HHIP: variants seen among roughly 807,000 people sequenced by gnomAD.
The protein encoded by HHIP is hedgehog interacting protein.
A neutral mutation model predicts 74.0 loss-of-function variants in HHIP; 12 were observed. The observed-to-expected ratio is 0.16, with a 90% CI of 0.10 to 0.26. HHIP has a LOEUF of 0.26. Ranked by LOEUF, HHIP falls within the 10% of genes least tolerant of loss-of-function variation. The pLI, the probability that HHIP is intolerant of heterozygous loss-of-function variation, is 1.00. For missense variants in HHIP, 788 were observed against 845.0 expected (o/e 0.93, Z 0.84); for synonymous variants, 309 against 311.6 (o/e 0.99, Z 0.09).
At chr4:144,656,102 A>C (rs1728550548) in intron 2 of HHIP, among the ~76,000 whole-genome samples, 1 of 152,172 alleles carries the variant, frequency 6.6e-6, no homozygotes, top group Non-Finnish European at 1.5e-5. Context: ...CCTGGCAATA[A>C]ATGTTAAAAT....
chr4:144,729,680 T>C (rs1468238281), intron 11 of HHIP, among the ~76,000 whole-genome samples: 1 of 152,188 alleles, frequency 6.6e-6, no homozygotes, highest in Non-Finnish European at 1.5e-5. Flanking sequence ...GCAAGGGTGC[T>C]CTTTTCCATG....
chr4:144,654,683 C>T (rs938666519), intron 2 of HHIP, among the ~76,000 whole-genome samples: 5 of 152,162 alleles, frequency 3.3e-5, no homozygotes, highest in African/African-American at 1.2e-4. Context: ...TGCCCCTGCC[C>T]CCAGCACAGA....
chr4:144,672,368 T>A (rs559946977), intron 4 of HHIP, among the ~76,000 whole-genome samples: 1 of 152,174 alleles, frequency 6.6e-6, no homozygotes, highest in Non-Finnish European at 1.5e-5. Context: ...AATGACAAGA[T>A]AATGTCTTGA....
chr4:144,704,090 T>A (rs1730063616), intron 4 of HHIP, among the ~76,000 whole-genome samples: 1 of 152,184 alleles, frequency 6.6e-6, no homozygotes, highest in Admixed American at 6.5e-5. Context: ...CTTTCTAATT[T>A]CTGAATATTT....
At position 144,646,438 on chromosome 4, in the gene HHIP, T is replaced by G; in HGVS notation, c.-238T>G. On this transcript the variant is annotated 5_prime_UTR_variant, in exon 1 of 13. Transcript: ENST00000296575. ...ACTGGCACAACTGCAAACGGTGTCA[T>G]CCGCACAACTTTATCTCGCTCCTCG... is the stretch of plus-strand genomic sequence containing the variant. The G allele has an allele frequency of 2.2e-6, 1 of 457,040 alleles. No individual in the cohort carries two copies. Among genetic ancestry groups the G allele is most frequent in the Non-Finnish European group, 3.9e-6 (1 of 257,986 alleles). The allele number at this position is 457,040 out of a possible 1,614,324, so 28.3% of individuals were successfully genotyped here.
intron 4 of HHIP, among the ~76,000 whole-genome samples, chr4:144,682,456 G>C (rs1385597926): frequency 6.6e-6 from 1 of 152,182 alleles, no homozygotes; most frequent in Non-Finnish European, 1.5e-5. Context: ...CAAAGTAAAA[G>C]AGTATTTCAG....
intron 6 of HHIP, among the ~76,000 whole-genome samples, 197 bp from the exon 7 acceptor site, chr4:144,707,971 G>A (rs1730192655): frequency 2.6e-5 from 4 of 151,968 alleles, no homozygotes; most frequent in Admixed American, 2.6e-4. Context: ...TTGAACTCTT[G>A]GCATTAAACA....
Position 144,646,597 on chromosome 4 carries a change from C to G in HHIP, c.-79C>G. On this transcript the variant is annotated 5_prime_UTR_variant, in exon 1 of 13. Transcript: ENST00000296575. ...ACAGCCCCGCAAACTCCTCCTGGAG[C>G]TGCGCCCTAGTGCCCCTGCTGGGCA... is the stretch of plus-strand genomic sequence containing the variant. The G allele has an allele frequency of 6.9e-7, 1 of 1,458,872 alleles. No individual in the cohort carries two copies. Among genetic ancestry groups the G allele is most frequent in the Non-Finnish European group, 9.3e-7 (1 of 1,072,410 alleles). 90.4% of individuals were successfully genotyped at this position (1,458,872 alleles called of 1,614,324 possible).
rs570736447 is a variant in HHIP, at chr4:144,743,032, T to TTA, written c.*5089_*5090dup. The stretch of plus-strand genomic sequence containing the variant: ...ATATTATATATATATAATATATATC[T>TTA]TATATATATATATATCTTAATACAT... On this transcript the variant is annotated 3_prime_UTR_variant, in exon 13 of 13. Transcript: ENST00000296575. 1.9e-4 allele frequency: 24 copies of TTA among 125,696 alleles called. No individual in the cohort carries two copies. The highest frequency in any genetic ancestry group is 5.2e-4 in the African/African-American group (18 of 34,704). 7.8% of individuals were successfully genotyped at this position (125,696 alleles called of 1,614,324 possible).
chr4:144,708,178 G>A lies in HHIP; in HGVS notation c.1168G>A (p.Gly390Ser), dbSNP rs1438604204. 6.2e-7 allele frequency: 1 copy of A among 1,613,944 alleles called. No homozygotes were observed. Among genetic ancestry groups the A allele is most frequent in the Non-Finnish European group, 8.5e-7 (1 of 1,179,966 alleles). Residue 390 changes from glycine (G) to serine (S), a missense_variant, in exon 7 of 13, where the codon GGC (glycine) becomes AGC (serine). Transcript: ENST00000296575. The stretch of plus-strand genomic sequence containing the variant: ...CCCCCAATTTCTCAGTGATTTCACA[G>A]GCTCAGTGCTACGGCTGGATGTGGA... Reference protein sequence around the residue: ...EEMDGLSDFTGSVLRLDVDTD... With the variant: ...EEMDGLSDFTSSVLRLDVDTD...
intron 12 of HHIP, among the ~76,000 whole-genome samples, chr4:144,736,875 TC>T (rs112417899): frequency 0.02 from 3,045 of 152,242 alleles, 98 homozygotes; most frequent in African/African-American, 0.069. Context: ...ACTTTTTCTA[TC>T]CCATGTGTCA....
At chr4:144,712,307 AAAATTT>A (rs779153047) in intron 8 of HHIP, among the ~76,000 whole-genome samples, 2 of 152,162 alleles carry the variant, frequency 1.3e-5, no homozygotes, top group Non-Finnish European at 2.9e-5. Flanking sequence ...GTAGGTCCAA[AAAATTT>A]AACCGTCCTT....
intron 7 of HHIP, among the ~76,000 whole-genome samples, chr4:144,708,640 G>C (rs970245799): frequency 3.9e-5 from 6 of 151,946 alleles, no homozygotes; most frequent in African/African-American, 1.5e-4. Context: ...ACAGTTTAGA[G>C]AGATCAACTT....
chr4:144,723,615 G>A lies in HHIP; in HGVS notation c.1760+4659G>A, dbSNP rs1005348143. Among the ~76,000 whole-genome samples the A allele has an allele frequency of 3.3e-5, 5 of 152,164 alleles. No homozygotes were observed. In the South Asian group the frequency reaches 1.0e-3, roughly 31 times the overall value. On this transcript the variant is annotated intron_variant, in intron 11 of 12. Transcript: ENST00000296575. ...AGTTTTATGCAAGTGGCCCCCCTAA[G>A]TTGATAAATTCCCACAGTGCCTGTT...
chr4:144,658,615 C>G (rs1392856732), intron 2 of HHIP, among the ~76,000 whole-genome samples, 175 bp from the exon 3 acceptor site: 1 of 152,016 alleles, frequency 6.6e-6, no homozygotes, highest in East Asian at 1.9e-4. Context: ...GTGATCCACC[C>G]ACCTCAGCCT....
chr4:144,647,075 A>G (rs754959293), intron 1 of HHIP, 121 bp downstream of exon 1: 10 of 800,320 alleles, frequency 1.2e-5, no homozygotes, highest in East Asian at 1.0e-4. Context: ...AGTTCTTTCC[A>G]TAACTTTTCT....
chr4:144,742,255 C>T lies in HHIP; in HGVS notation c.*4298C>T, dbSNP rs1046606495. ...TCTTTGTTTTTCTGAAAAATAGCCT[C>T]TCTTGATTCCACATTTTCTCAAATT... On this transcript the variant is annotated 3_prime_UTR_variant, in exon 13 of 13. Transcript: ENST00000296575. 1.7e-4 allele frequency: 26 copies of T among 152,076 alleles called. No homozygotes were observed. The highest frequency in any genetic ancestry group is 1.2e-3 in the Admixed American group (19 of 15,260). The allele number at this position is 152,076 out of a possible 1,614,324, so 9.4% of individuals were successfully genotyped here. A position where few individuals can be genotyped will look rare whatever the true frequency, so the allele number is the denominator to read the frequency against.
At chr4:144,708,841 G>C (rs1314792551) in intron 7 of HHIP, among the ~76,000 whole-genome samples, 2 of 152,178 alleles carry the variant, frequency 1.3e-5, no homozygotes, top group Non-Finnish European at 1.5e-5. Context: ...TGATGCTGCA[G>C]TGTTAATTTG....
chr4:144,724,670 A>ATATATATATATTTATATATATATATAAG (rs1560721244), intron 11 of HHIP, among the ~76,000 whole-genome samples: 2 of 102,546 alleles, frequency 2.0e-5, no homozygotes, highest in Admixed American at 1.2e-4. Context: ...GTGTGTGTGT[A>ATATATATATATTTATATATATATATAAG]TATATATATA....
Sources: allele counts gnomAD v4.1 joint callset (sites outside exome capture counted in the v4.1 genomes callset), GRCh38; gene constraint gnomAD v4.1.1; transcripts MANE v1.5; gene names NCBI Gene and HGNC (gene_info 2026-07-23, HGNC 2026-07-21).